GZF1: variants seen among roughly 807,000 people sequenced by gnomAD.
GZF1 encodes the protein GDNF inducible zinc finger protein 1, also known as GDNF-inducible zinc finger protein 1.
GZF1 carries 28 observed loss-of-function variants against 49.4 expected under a neutral mutation model. The observed-to-expected ratio is 0.57, with a 90% CI of 0.42 to 0.78. The LOEUF (loss-of-function observed/expected upper bound fraction) is 0.78, where lower values mean the gene tolerates loss of function less well. GZF1 is among the 30% of genes least tolerant of loss of function. The pLI is 0.00. For missense variants in GZF1, 798 were observed against 916.2 expected (o/e 0.87, Z 1.67); for synonymous variants, 364 against 356.0 (o/e 1.02, Z -0.25).
chr20:23,369,526 G>A (rs1981814440), intron 4 of GZF1, 58 bp from the exon 5 acceptor site: 3 of 1,487,098 alleles, frequency 2.0e-6, no homozygotes, highest in Non-Finnish European at 2.7e-6. Flanking sequence ...TGTGTATTCA[G>A]AATTAAGCAC....
In GZF1 at chr20:23,365,474, A is replaced by G; in HGVS notation, c.1091A>G (p.Lys364Arg). ...ACCTTCGCCAACCGCTGCAACCTGA[A>G]GAGCCACCAGCGCCACGTGCACAGC... is the stretch of plus-strand genomic sequence containing the variant. ...GQTFANRCNL[K>R]SHQRHVHSSE... The change falls in exon 2 of 6, where the codon AAG becomes AGG. Residue 364 changes from lysine (K) to arginine (R), a missense_variant. Lys to Arg is a conservative substitution (Grantham distance 26). Coordinates refer to ENST00000338121, the MANE Select transcript of GZF1 (RefSeq NM_022482.5). 1.2e-6 allele frequency: 2 copies of G among 1,613,830 alleles called. No individual in the cohort carries two copies. The highest frequency in any genetic ancestry group is 1.7e-6 in the Non-Finnish European group (2 of 1,179,990).
In GZF1 at chr20:23,365,073, G is replaced by A. The variant is rs765135154; in HGVS notation, c.690G>A (p.Lys230=). Residue 230 remains lysine (K), a synonymous_variant, in exon 2 of 6, where the codon AAG becomes AAA. Transcript: ENST00000338121. ...CTAGTGGAAGGCTGGCTGGGAGGAA[G>A]GTCTTTGTGGAGATCCCTAAAAAGA... ...RRASGRLAGR[K]VFVEIPKKKY... 1.2e-6 allele frequency: 2 copies of A among 1,614,046 alleles called. No homozygotes were observed. The highest frequency in any genetic ancestry group is 1.1e-5 in the South Asian group (1 of 91,088).
upstream of GZF1, among the ~76,000 whole-genome samples, chr20:23,361,653 A>G (rs1980671253): frequency 6.6e-6 from 1 of 152,124 alleles, no homozygotes; most frequent in African/African-American, 2.4e-5. Flanking sequence ...CTGCGCCCCT[A>G]GTAGCCAAGG....
Position 23,368,948 on chromosome 20 carries a change from A to G in GZF1, c.1627+19A>G. On this transcript the variant is annotated intron_variant, in intron 4 of 5. Coordinates refer to ENST00000338121, the MANE Select transcript of GZF1 (RefSeq NM_022482.5). ...CACACAGGTATGGTTGGAATGTCCC[A>G]GGGAAGGGAGTTTAGTTTGGCCAAA... The G allele has an allele frequency of 6.4e-7, 1 of 1,573,782 alleles. No homozygotes were observed. Among genetic ancestry groups the G allele is most frequent in the Non-Finnish European group, 8.6e-7 (1 of 1,160,834 alleles).
Position 23,365,209 on chromosome 20 carries a change from G to A in GZF1, c.826G>A (p.Val276Ile). 2 of 1,601,756 alleles carry A rather than the reference G, an allele frequency of 1.2e-6. No homozygotes were observed. Among genetic ancestry groups the A allele is most frequent in the Non-Finnish European group, 1.7e-6 (2 of 1,173,610 alleles). ...CAGGGTGGGCACGGAGATGGAGCAG[G>A]TTTCCAAAAATGAGGGTTGCCAGGC... ...PDRVGTEMEQVSKNEGCQAGA... is the reference protein window; with the variant it reads ...PDRVGTEMEQISKNEGCQAGA... Residue 276 changes from valine (V) to isoleucine (I), a missense_variant, in exon 2 of 6, where the codon GTT becomes ATT. Physicochemically the swap from Val to Ile is conservative, Grantham distance 29. Around this residue, in one of 3 missense-constraint regions of GZF1, gnomAD observed 247 missense variants for 228.5 expected, o/e 1.08. Coordinates refer to ENST00000338121, the MANE Select transcript of GZF1 (RefSeq NM_022482.5).
intron 1 of GZF1, chr20:23,362,903 TGAGA>T (rs999435215): frequency 6.6e-6 from 1 of 152,318 alleles, no homozygotes; most frequent in African/African-American, 2.4e-5. Flanking sequence ...GGCATCAGGC[TGAGA>T]GAGCCCTCTG....
At position 23,371,354 on chromosome 20, in the gene GZF1, C is replaced by T. The variant is rs1156711051; in HGVS notation, c.*913C>T. 6.6e-6 allele frequency: 1 copy of T among 152,590 alleles called. No homozygotes were observed. The highest frequency in any genetic ancestry group is 1.5e-5 in the Non-Finnish European group (1 of 68,034). The allele number at this position is 152,590 out of a possible 1,614,324, so 9.5% of individuals were successfully genotyped here. ...GTATTATTACTTTTGCCAGGTTTTTCTGACTTGATTTCTGTAATTTCCAGA... is the reference window on the plus strand; with the variant it reads ...GTATTATTACTTTTGCCAGGTTTTTTTGACTTGATTTCTGTAATTTCCAGA... On this transcript the variant is annotated 3_prime_UTR_variant, in exon 6 of 6. Coordinates refer to ENST00000338121, the MANE Select transcript of GZF1 (RefSeq NM_022482.5).
rs1183460372 is a variant in GZF1 at position 23,370,311 on chromosome 20, C to T, written c.2006C>T (p.Ala669Val). ...TMQENSSADT[A>V]CKADDSVVSQ... ...CAGGAGAACAGTTCTGCTGACACAG[C>T]CTGCAAGGCAGATGACTCCGTGGTG... is the stretch of plus-strand genomic sequence containing the variant. The change falls in exon 6 of 6, where the codon GCC (alanine) becomes GTC (valine). Residue 669 changes from alanine to valine, a missense_variant. Physicochemically the swap from Ala to Val is moderately conservative, Grantham distance 64. Transcript: ENST00000338121. 1 of 1,614,138 alleles carries T rather than the reference C, an allele frequency of 6.2e-7. No individual in the cohort carries two copies. The highest frequency in any genetic ancestry group is 8.5e-7 in the Non-Finnish European group (1 of 1,179,968).
Position 23,372,175 on chromosome 20 carries a change from A to AG in GZF1, c.*1737dup, listed in dbSNP as rs1568594454. 1 of 152,644 alleles carries AG rather than the reference A, an allele frequency of 6.6e-6. No homozygotes were observed. The highest frequency in any genetic ancestry group is 2.4e-5 in the African/African-American group (1 of 41,466). 9.5% of individuals were successfully genotyped at this position (152,644 alleles called of 1,614,324 possible). On this transcript the variant is annotated 3_prime_UTR_variant, in exon 6 of 6. Coordinates refer to ENST00000338121, the MANE Select transcript of GZF1 (RefSeq NM_022482.5). ...AATAGATCATTTTGTTACCTACTGGAGGGATTTTTGTCTTGAATTTGTTTC... is the reference window on the plus strand; with the variant it reads ...AATAGATCATTTTGTTACCTACTGGAGGGGATTTTTGTCTTGAATTTGTTTC...
rs1162238866 is a variant in GZF1, at chr20:23,364,496, A to G, written c.113A>G (p.Glu38Gly). Reference protein sequence around the residue: ...GHLCDVTVSVEYQGVRKDFMA... With the variant: ...GHLCDVTVSVGYQGVRKDFMA... ...CTGTGTGACGTGACAGTCAGCGTGGAGTATCAGGGTGTCCGCAAAGACTTC... is the reference window on the plus strand; with the variant it reads ...CTGTGTGACGTGACAGTCAGCGTGGGGTATCAGGGTGTCCGCAAAGACTTC... The change falls in exon 2 of 6, where the codon GAG becomes GGG. Residue 38 changes from glutamate to glycine, a missense_variant. Glu to Gly is a moderately conservative substitution (Grantham distance 98). This residue lies in a region of GZF1 where 105 missense variants were observed against 147.5 expected (regional missense o/e 0.71). Transcript: ENST00000338121. The G allele has an allele frequency of 1.9e-6, 3 of 1,614,222 alleles. No individual in the cohort carries two copies.
Position 23,370,461 on chromosome 20 carries a change from T to A in GZF1, c.*20T>A. On this transcript the variant is annotated 3_prime_UTR_variant, in exon 6 of 6. Coordinates refer to ENST00000338121, the MANE Select transcript of GZF1 (RefSeq NM_022482.5). ...GAATAAGAGCTTCAAGCAGTTCCCA[T>A]CCTGTTAGTCTGCGTGTGTGGTAGC... 1 of 1,460,710 alleles carries A rather than the reference T, an allele frequency of 6.8e-7. No homozygotes were observed. Among genetic ancestry groups the A allele is most frequent in the Non-Finnish European group, 9.6e-7 (1 of 1,046,456 alleles). The allele number at this position is 1,460,710 out of a possible 1,614,324, so 90.5% of individuals were successfully genotyped here.
At position 23,370,295 on chromosome 20, in the gene GZF1, A is replaced by G; in HGVS notation, c.1990A>G (p.Ser664Gly). The change falls in exon 6 of 6, where the codon AGT becomes GGT. Residue 664 changes from serine (S) to glycine (G), a missense_variant. Physicochemically the swap from Ser to Gly is moderately conservative, Grantham distance 56. Transcript: ENST00000338121. ...CACTGTACCTACCATGCAGGAGAAC[A>G]GTTCTGCTGACACAGCCTGCAAGGC... ...QDTVPTMQEN[S>G]SADTACKADD... is the part of the protein sequence containing the mutation. The G allele has an allele frequency of 1.9e-6, 3 of 1,614,170 alleles. No homozygotes were observed.
chr20:23,370,548 A>T lies in GZF1; in HGVS notation c.*107A>T. 1.3e-6 allele frequency: 1 copy of T among 757,854 alleles called. No individual in the cohort carries two copies. The allele number at this position is 757,854 out of a possible 1,614,324, so 46.9% of individuals were successfully genotyped here. A position where few individuals can be genotyped will look rare whatever the true frequency, so the allele number is the denominator to read the frequency against. On this transcript the variant is annotated 3_prime_UTR_variant, in exon 6 of 6. Coordinates refer to ENST00000338121, the MANE Select transcript of GZF1 (RefSeq NM_022482.5). ...GTCCATGTGCAAAGATGTGGGCAAGAATGGCCTCTGCAGATTTTCCTGAAC... is the reference window on the plus strand; with the variant it reads ...GTCCATGTGCAAAGATGTGGGCAAGTATGGCCTCTGCAGATTTTCCTGAAC...
In GZF1 at chr20:23,368,742, T is replaced by G. The variant is rs764173135; in HGVS notation, c.1460-20T>G. The G allele has an allele frequency of 2.5e-6, 4 of 1,591,244 alleles. No homozygotes were observed. Among genetic ancestry groups the G allele is most frequent in the Non-Finnish European group, 3.4e-6 (4 of 1,167,470 alleles). ...TTAATGCCTGTATTGTTTATGACTT[T>G]ATTTCATTTTCTCATGTAGGTGAAA... On this transcript the variant is annotated intron_variant, in intron 3 of 5. Transcript: ENST00000338121.
chr20:23,372,826 T>C lies in GZF1; in HGVS notation c.*2385T>C, dbSNP rs1249882090. On this transcript the variant is annotated 3_prime_UTR_variant, in exon 6 of 6. Coordinates refer to ENST00000338121, the MANE Select transcript of GZF1 (RefSeq NM_022482.5). ...TGCTTCAACCATTTTCCAACCATTT[T>C]CTGTGAAATGCTGTCAGCCCAAACT... 6.6e-6 allele frequency: 1 copy of C among 152,206 alleles called. No homozygotes were observed. Among genetic ancestry groups the C allele is most frequent in the Non-Finnish European group, 1.5e-5 (1 of 68,034 alleles). The allele number at this position is 152,206 out of a possible 1,614,324, so 9.4% of individuals were successfully genotyped here. A position where few individuals can be genotyped will look rare whatever the true frequency, so the allele number is the denominator to read the frequency against.
chr20:23,362,818 G>T (rs536758763), intron 1 of GZF1: 15 of 152,446 alleles, frequency 9.8e-5, no homozygotes, highest in East Asian at 3.9e-4. Context: ...AGGAAATCGC[G>T]CTCAGAACCC....
rs1479215871 is a variant in GZF1, at chr20:23,365,424, G to A, written c.1041G>A (p.Val347=). Residue 347 remains valine, a synonymous_variant, in exon 2 of 6, where the codon GTG becomes GTA. Coordinates refer to ENST00000338121, the MANE Select transcript of GZF1 (RefSeq NM_022482.5). ...GCCACGGCGTGGCCACCGAGGTGGT[G>A]TACCGCTGCGACACCTGCGGCCAGA... The part of the protein sequence containing the change: ...KHRHGVATEV[V]YRCDTCGQTF... 1 of 1,613,676 alleles carries A rather than the reference G, an allele frequency of 6.2e-7. No homozygotes were observed. The highest frequency in any genetic ancestry group is 8.5e-7 in the Non-Finnish European group (1 of 1,180,062).
rs546450781 is a variant in GZF1, at chr20:23,372,769, C to T, written c.*2328C>T. ...GGCCAGGTGCCGGCACAGTGCCTCT[C>T]CCAGAGCCTCAAGAAGGGCCATTTA... On this transcript the variant is annotated 3_prime_UTR_variant, in exon 6 of 6. Transcript: ENST00000338121. 1.3e-5 allele frequency: 2 copies of T among 152,334 alleles called. No homozygotes were observed. Among genetic ancestry groups the T allele is most frequent in the South Asian group, 2.1e-4 (1 of 4,826 alleles). The allele number at this position is 152,334 out of a possible 1,614,324, so 9.4% of individuals were successfully genotyped here.
In GZF1 at chr20:23,369,737, C is replaced by T. The variant is rs149190577; in HGVS notation, c.1781C>T (p.Thr594Ile). Residue 594 changes from threonine to isoleucine, a missense_variant, in exon 5 of 6, where the codon ACC becomes ATC. By Grantham distance (89) the Thr-to-Ile change is moderately conservative (BLOSUM62 -1). Coordinates refer to ENST00000338121, the MANE Select transcript of GZF1 (RefSeq NM_022482.5). ...GACAAGTCCACTCTTCGGCGGCACA[C>T]CTCAGTAAGCAGTGGGTTGGCTTAT... The part of the protein sequence containing the change: ...FTDKSTLRRH[T>I]SIHDKNTPWK... 2.4e-4 allele frequency: 386 copies of T among 1,608,154 alleles called. No homozygotes were observed. Among genetic ancestry groups the T allele is most frequent in the Non-Finnish European group, 3.2e-4 (373 of 1,176,992 alleles).
Sources: gnomAD v4.1 joint callset for allele counts (sites outside exome capture counted in the v4.1 genomes callset) on GRCh38, gnomAD v4.1.1 for gene constraint, gnomAD v4.1.1 regional missense constraint, MANE v1.5 for transcripts, NCBI Gene and HGNC (gene_info 2026-07-23, HGNC 2026-07-21) for gene names.